The following TRPM1 variants were observed in gnomAD, a reference collection of about 807,000 sequenced individuals.
TRPM1 encodes TRPM1-203 APA Isoform, Intron 10.
TRPM1 carries 113 observed loss-of-function variants against 149.4 expected under a neutral mutation model. The observed-to-expected ratio is 0.76, with a 90% CI of 0.65 to 0.88. TRPM1 has a LOEUF of 0.88. Among genes scored for constraint, TRPM1 ranks in the 40% least tolerant of loss-of-function variants. The pLI is 0.00. For synonymous variants in TRPM1, 741 were observed against 759.5 expected, an observed-to-expected ratio of 0.98 and a Z score of 0.40; for missense variants, 1,976 against 2,038.7, an observed-to-expected ratio of 0.97 and a Z score of 0.59.
In TRPM1 at chr15:31,067,871, G is replaced by A. The variant is rs768602562; in HGVS notation, c.493+8C>T. ...TTGATTATCGGGAGGGAAAGGGCCTGCTCTTACCTGTGCTGACACCCCCGG... is the reference window on the plus strand; with the variant it reads ...TTGATTATCGGGAGGGAAAGGGCCTACTCTTACCTGTGCTGACACCCCCGG... On this transcript the variant is annotated splice_region_variant and intron_variant, in intron 5 of 27. Transcript: ENST00000256552. 1 of 1,612,256 alleles carries A rather than the reference G, an allele frequency of 6.2e-7. No homozygotes were observed. Among genetic ancestry groups the A allele is most frequent in the Non-Finnish European group, 8.5e-7 (1 of 1,179,756 alleles).
intron 16 of TRPM1, among the ~76,000 whole-genome samples, chr15:31,043,814 G>A (rs1263622605): frequency 6.6e-6 from 1 of 152,090 alleles, no homozygotes; most frequent in Admixed American, 6.5e-5. Context: ...TTAATTGCAT[G>A]TAAATTCTCT....
intron 1 of TRPM1, among the ~76,000 whole-genome samples, chr15:31,112,761 T>A (rs2035708607): frequency 6.6e-6 from 1 of 152,134 alleles, no homozygotes; most frequent in African/African-American, 2.4e-5. Context: ...GAACTAAATT[T>A]GGGCAACTCT....
In TRPM1 at chr15:31,037,751, T is replaced by C. The variant is rs761371352; in HGVS notation, c.2531A>G (p.Glu844Gly). The change falls in exon 20 of 28, where the codon GAA (glutamate) becomes GGA (glycine). Residue 844 changes from glutamate to glycine, a missense_variant. Around this residue, in one of 3 missense-constraint regions of TRPM1, gnomAD observed 1,332 missense variants for 1,347.1 expected, o/e 0.99. Transcript: ENST00000256552. ...CTTGACAATGGGCGCGTTATAGAATTCACAGATCTTTGTTCCGATGGGAAT... is the reference window on the plus strand; with the variant it reads ...CTTGACAATGGGCGCGTTATAGAATCCACAGATCTTTGTTCCGATGGGAAT... ...RSIPIGTKIC[E>G]FYNAPIVKFW... 6.2e-7 allele frequency: 1 copy of C among 1,614,240 alleles called. No homozygotes were observed. Among genetic ancestry groups the C allele is most frequent in the Admixed American group, 1.7e-5 (1 of 60,026 alleles).
chr15:31,090,276 TCTC>T (rs749338400), intron 1 of TRPM1, among the ~76,000 whole-genome samples: 1 of 152,134 alleles, frequency 6.6e-6, no homozygotes, highest in Non-Finnish European at 1.5e-5. Flanking sequence ...TGCATGGTGT[TCTC>T]CGGTGTGGCT....
chr15:31,094,441 T>G (rs1452063818), intron 1 of TRPM1, among the ~76,000 whole-genome samples: 1 of 152,154 alleles, frequency 6.6e-6, no homozygotes, highest in Non-Finnish European at 1.5e-5. Context: ...ACCTATAGAA[T>G]GGAATACGAT....
intron 1 of TRPM1, among the ~76,000 whole-genome samples, chr15:31,095,715 A>G (rs187178933): frequency 3.4e-4 from 52 of 151,618 alleles, no homozygotes; most frequent in Non-Finnish European, 6.9e-4. Flanking sequence ...TATAAAAAAT[A>G]TGTAAACCTC....
chr15:31,135,198 C>T (rs1359450560), intron 1 of TRPM1, among the ~76,000 whole-genome samples: 2 of 152,050 alleles, frequency 1.3e-5, no homozygotes, highest in Admixed American at 6.6e-5. Context: ...TAAACACTGA[C>T]GAAAACCCTA....
chr15:31,024,385 C>T (rs928674989), intron 27 of TRPM1, among the ~76,000 whole-genome samples: 1 of 152,162 alleles, frequency 6.6e-6, no homozygotes, highest in Non-Finnish European at 1.5e-5. Context: ...GGAAAACTCC[C>T]TTCTCCTCAA....
Position 31,065,122 on chromosome 15 carries a change from C to T in TRPM1, c.790+954G>A, listed in dbSNP as rs141424579. On this transcript the variant is annotated intron_variant, in intron 7 of 27. Transcript: ENST00000256552. ...GCGAAGGATGACAAAGGGAAGCCCACAAGTCACATGGCCAGGTGAAATGGG... is the reference window on the plus strand; with the variant it reads ...GCGAAGGATGACAAAGGGAAGCCCATAAGTCACATGGCCAGGTGAAATGGG... 13 of 534,706 alleles carry T rather than the reference C, an allele frequency of 2.4e-5. No individual in the cohort carries two copies. The East Asian group carries it at 7.1e-4, about 29-fold the overall frequency. 33.1% of individuals were successfully genotyped at this position (534,706 alleles called of 1,614,324 possible).
chr15:31,145,038 A>G (rs1469300084), intron 1 of TRPM1, among the ~76,000 whole-genome samples: 1 of 152,016 alleles, frequency 6.6e-6, no homozygotes, highest in East Asian at 1.9e-4. Context: ...TTGAGTTTTT[A>G]TTATCTGTCT....
intron 21 of TRPM1, among the ~76,000 whole-genome samples, chr15:31,034,830 C>A (rs2140917059): frequency 6.6e-6 from 1 of 152,362 alleles, no homozygotes; most frequent in Middle Eastern, 3.4e-3. Flanking sequence ...GCAGCATTTG[C>A]TGATGCTTTC....
At chr15:31,049,608 G>T in intron 12 of TRPM1, 99 bp from the exon 13 acceptor site, 1 of 1,375,272 alleles carries the variant, frequency 7.3e-7, no homozygotes, top group Non-Finnish European at 1.0e-6. Flanking sequence ...CCGAACGCCA[G>T]ATTCCAGAGC....
Position 31,035,541 on chromosome 15 carries a change from G to A in TRPM1, c.2700+5C>T, listed in dbSNP as rs757756253. 2 of 1,614,002 alleles carry A rather than the reference G, an allele frequency of 1.2e-6. No individual in the cohort carries two copies. The highest frequency in any genetic ancestry group is 1.1e-5 in the South Asian group (1 of 91,078). On this transcript the variant is annotated splice_donor_5th_base_variant and intron_variant, in intron 21 of 27. Transcript: ENST00000256552. ...TGGGCTGGGGGAGGCCTTTGGAGTA[G>A]CCACCTCTCGTATCTTCTCTAACGC...
chr15:31,041,428 G>A (rs529600603), intron 17 of TRPM1, among the ~76,000 whole-genome samples: 1 of 152,264 alleles, frequency 6.6e-6, no homozygotes, highest in East Asian at 1.9e-4. Context: ...GGGATTACAG[G>A]CATGAGCCAC....
intron 8 of TRPM1, 178 bp from the exon 9 acceptor site, chr15:31,062,880 T>C (rs2034270841): frequency 4.1e-6 from 4 of 983,550 alleles, no homozygotes; most frequent in South Asian, 1.5e-5. Flanking sequence ...TCCAGCTTTG[T>C]TGCAAACTTT....
intron 21 of TRPM1, 37 bp from the exon 22 acceptor site, chr15:31,032,977 C>T (rs373760479): frequency 3.8e-5 from 61 of 1,612,894 alleles, no homozygotes; most frequent in Middle Eastern, 3.3e-4. Flanking sequence ...AACTGAGATG[C>T]CGTATTAGAA....
intron 15 of TRPM1, 35 bp downstream of exon 15, chr15:31,047,076 G>A (rs1567016943): frequency 2.5e-6 from 4 of 1,613,508 alleles, no homozygotes; most frequent in Admixed American, 1.7e-5. Context: ...TGGTACTCGC[G>A]AACCACAGAA....
intron 25 of TRPM1, among the ~76,000 whole-genome samples, chr15:31,027,794 T>C (rs1368637698): frequency 6.6e-6 from 1 of 152,238 alleles, no homozygotes; most frequent in Non-Finnish European, 1.5e-5. Context: ...TAAAATCATT[T>C]TTTTCAATAT....
At chr15:31,083,177 A>T (rs1330610355) in intron 1 of TRPM1, among the ~76,000 whole-genome samples, 2 of 152,184 alleles carry the variant, frequency 1.3e-5, no homozygotes, top group African/African-American at 4.8e-5. Flanking sequence ...CTTGGGCCAA[A>T]ATTAACAAGC....
Sources: allele counts gnomAD v4.1 joint callset (sites outside exome capture counted in the v4.1 genomes callset), GRCh38; gene constraint gnomAD v4.1.1; regional missense constraint gnomAD v4.1.1; transcripts MANE v1.5; gene names NCBI Gene and HGNC (gene_info 2026-07-23, HGNC 2026-07-21).